The following NAT10 variants were observed in gnomAD, a reference collection of about 807,000 sequenced individuals.
NAT10 encodes RNA cytidine acetyltransferase.
In NAT10, 109 loss-of-function variants were observed where a neutral mutation model predicts 132.2. That is an observed-to-expected ratio of 0.82 (90% CI 0.71 to 0.97). NAT10 has a LOEUF of 0.97. NAT10 is among the 50% of genes least tolerant of loss of function. The pLI is 0.00. For synonymous variants in NAT10, 479 were observed against 478.0 expected (o/e 1.00, Z -0.03); for missense variants, 1,184 against 1,263.4 (o/e 0.94, Z 0.95).
At chr11:34,130,732 G>A in intron 12 of NAT10, 81 bp from the exon 13 acceptor site, 1 of 1,524,538 alleles carries the variant, frequency 6.6e-7, no homozygotes, top group Non-Finnish European at 9.0e-7. Context: ...GTTTCAGCAG[G>A]TGGAGGAAAG....
At chr11:34,119,724 A>G (rs1267286702) in intron 8 of NAT10, among the ~76,000 whole-genome samples, 2 of 152,250 alleles carry the variant, frequency 1.3e-5, no homozygotes, top group Non-Finnish European at 2.9e-5. Flanking sequence ...TTTCATGCAC[A>G]TAAATGAATT....
In NAT10 at chr11:34,127,481, G is replaced by A; in HGVS notation, c.1126G>A (p.Ala376Thr). The change falls in exon 12 of 29, where the codon GCT (alanine) becomes ACT (threonine). Residue 376 changes from alanine to threonine, a missense_variant. Physicochemically the swap from Ala to Thr is moderately conservative, Grantham distance 58. Transcript: ENST00000257829. ...CCCATAGTATATACATCCTGCAGAT[G>A]CTGTGAAGCTGGGCCAGGCTGAACT... Reference protein sequence around the residue: ...QTIQYIHPADAVKLGQAELVV... With the variant: ...QTIQYIHPADTVKLGQAELVV... The A allele has an allele frequency of 1.2e-6, 2 of 1,613,928 alleles. No individual in the cohort carries two copies. Among genetic ancestry groups the A allele is most frequent in the Non-Finnish European group, 1.7e-6 (2 of 1,179,806 alleles).
rs145321487 is a variant in NAT10, at chr11:34,140,684, A to C, written c.2592+112A>C. 208 of 1,241,514 alleles carry C rather than the reference A, an allele frequency of 1.7e-4. 2 individuals are homozygous for C. In the East Asian group the frequency reaches 3.4e-3, roughly 20 times the overall value. The allele number at this position is 1,241,514 out of a possible 1,614,324, so 76.9% of individuals were successfully genotyped here. On this transcript the variant is annotated intron_variant, in intron 24 of 28. Coordinates refer to ENST00000257829, the MANE Select transcript of NAT10 (RefSeq NM_024662.3). ...ATTGTGTGCCTTTAATTCCTCATAC[A>C]TCTGATAGGTGGGTAGTGGCATCCT...
intron 16 of NAT10, 126 bp downstream of exon 16, chr11:34,133,268 C>G (rs935456064): frequency 1.3e-6 from 1 of 745,082 alleles, no homozygotes; most frequent in Non-Finnish European, 2.3e-6. Flanking sequence ...AACCAAGGGG[C>G]TGGGTCTGCT....
At chr11:34,113,545 G>C (rs1201532784) in intron 4 of NAT10, among the ~76,000 whole-genome samples, 171 bp from the exon 5 acceptor site, 1 of 144,832 alleles carries the variant, frequency 6.9e-6, no homozygotes, top group African/African-American at 2.6e-5. Context: ...GCTCATGCCT[G>C]TAATCCCAGC....
chr11:34,127,658 C>T (rs1180076486), intron 12 of NAT10, 59 bp downstream of exon 12: 4 of 1,549,828 alleles, frequency 2.6e-6, no homozygotes. Context: ...GATTTAGGGG[C>T]ATGTAGTGGA....
rs775251238 is a variant in NAT10 at position 34,141,722 on chromosome 11, T to A, written c.2716T>A (p.Phe906Ile). 30 of 1,614,010 alleles carry A rather than the reference T, an allele frequency of 1.9e-5. No homozygotes were observed. The highest frequency in any genetic ancestry group is 2.5e-5 in the Non-Finnish European group (30 of 1,179,982). Reference sequence around the variant, plus strand: ...CTCTGTTGGTTGTCTTTTGTAGCTATTTAATGAAGTTCAGGAAAAGGCCAT... The same window carrying A: ...CTCTGTTGGTTGTCTTTTGTAGCTAATTAATGAAGTTCAGGAAAAGGCCAT... ...NRIIRKVVKL[F>I]NEVQEKAIEE... The change falls in exon 26 of 29, where the codon TTT becomes ATT. Residue 906 changes from phenylalanine (F) to isoleucine (I), a missense_variant. Phe to Ile is a conservative substitution (Grantham distance 21). Transcript: ENST00000257829.
chr11:34,112,803 ATG>A (rs1851718316), intron 4 of NAT10, among the ~76,000 whole-genome samples: 1 of 152,082 alleles, frequency 6.6e-6, no homozygotes, highest in Non-Finnish European at 1.5e-5. Flanking sequence ...GTGTGTGTGC[ATG>A]TGTGTGTAAG....
At position 34,140,509 on chromosome 11, in the gene NAT10, G is replaced by A; in HGVS notation, c.2529G>A (p.Pro843=). The change falls in exon 24 of 29, where the codon CCG becomes CCA. Residue 843 remains proline (P), a synonymous_variant. Coordinates refer to ENST00000257829, the MANE Select transcript of NAT10 (RefSeq NM_024662.3). ...ATCACCTCATCATGGACATGATCCC[G>A]GCCATCTCTCGCATCTATTTCCTGA... is the stretch of plus-strand genomic sequence containing the variant. ...VDYHLIMDMI[P]AISRIYFLNQ... is the part of the protein sequence containing the mutation. 1.9e-6 allele frequency: 3 copies of A among 1,614,154 alleles called. No homozygotes were observed. Among genetic ancestry groups the A allele is most frequent in the South Asian group, 1.1e-5 (1 of 91,078 alleles).
At position 34,132,117 on chromosome 11, in the gene NAT10, A is replaced by G; in HGVS notation, c.1521-8A>G. 1.2e-6 allele frequency: 2 copies of G among 1,608,412 alleles called. No homozygotes were observed. Among genetic ancestry groups the G allele is most frequent in the Non-Finnish European group, 1.7e-6 (2 of 1,174,812 alleles). On this transcript the variant is annotated splice_region_variant and splice_polypyrimidine_tract_variant and intron_variant, in intron 14 of 28. Coordinates refer to ENST00000257829, the MANE Select transcript of NAT10 (RefSeq NM_024662.3). ...TGTTTTGTTTTGGTTTCTTAACTCC[A>G]GACCCAGGTACTATGTTAATAGAGA...
rs371741600 is a variant in NAT10 at position 34,139,367 on chromosome 11, C to T, written c.2309-18C>T. ...GGATGCCTCCAGACCTCTAACTCTG[C>T]GTGATGGCACCCCACAGATTTCCGA... On this transcript the variant is annotated intron_variant, in intron 22 of 28. Coordinates refer to ENST00000257829, the MANE Select transcript of NAT10 (RefSeq NM_024662.3). 17 of 1,612,028 alleles carry T rather than the reference C, an allele frequency of 1.1e-5. No individual in the cohort carries two copies. The highest frequency in any genetic ancestry group is 1.7e-4 in the Middle Eastern group (1 of 6,060).
chr11:34,130,840 C>T lies in NAT10; in HGVS notation c.1272C>T (p.Ser424=), dbSNP rs1296223198. Residue 424 remains serine (S), a synonymous_variant, in exon 13 of 29, where the codon TCC becomes TCT. Transcript: ENST00000257829. ...ATGAGGGCACTGGCCGGTCACTGTC[C>T]CTCAAGCTAATTCAGCAGCTCCGTC... ...NGYEGTGRSL[S]LKLIQQLRQQ... The T allele has an allele frequency of 6.2e-7, 1 of 1,614,124 alleles. No individual in the cohort carries two copies. Among genetic ancestry groups the T allele is most frequent in the Non-Finnish European group, 8.5e-7 (1 of 1,179,990 alleles).
intron 8 of NAT10, among the ~76,000 whole-genome samples, chr11:34,119,113 C>T (rs541290772): frequency 8.5e-5 from 13 of 152,360 alleles, no homozygotes; most frequent in South Asian, 8.3e-4. Context: ...TGGGGTAATA[C>T]GTACCTGGTC....
At chr11:34,121,858 CAAAAAAAAAA>C (rs34304264) in intron 8 of NAT10, among the ~76,000 whole-genome samples, 2 of 36,828 alleles carry the variant, frequency 5.4e-5, no homozygotes, top group South Asian at 1.9e-3. Flanking sequence ...GACTCTGTCT[CAAAAAAAAAA>C]AAAAAAAAAA....
At chr11:34,142,051 C>T in intron 26 of NAT10, 2 of 620,630 alleles carry the variant, frequency 3.2e-6, no homozygotes, top group South Asian at 4.0e-5. Context: ...AGGATTCCAG[C>T]ATCTGTTGGA....
At chr11:34,122,173 T>A (rs1851906464) in intron 8 of NAT10, among the ~76,000 whole-genome samples, 1 of 151,904 alleles carries the variant, frequency 6.6e-6, no homozygotes, top group South Asian at 2.1e-4. Context: ...TGAAACTCCA[T>A]CTCAGAAGGA....
Position 34,132,111 on chromosome 11 carries a change from A to T in NAT10, c.1521-14A>T. 6.2e-7 allele frequency: 1 copy of T among 1,601,866 alleles called. No homozygotes were observed. Among genetic ancestry groups the T allele is most frequent in the Non-Finnish European group, 8.6e-7 (1 of 1,168,988 alleles). Reference sequence around the variant, plus strand: ...GCTATTTGTTTTGTTTTGGTTTCTTAACTCCAGACCCAGGTACTATGTTAA... The same window carrying T: ...GCTATTTGTTTTGTTTTGGTTTCTTTACTCCAGACCCAGGTACTATGTTAA... On this transcript the variant is annotated splice_polypyrimidine_tract_variant and intron_variant, in intron 14 of 28. Transcript: ENST00000257829.
At chr11:34,121,973 C>T (rs919914261) in intron 8 of NAT10, among the ~76,000 whole-genome samples, 1 of 148,926 alleles carries the variant, frequency 6.7e-6, no homozygotes, top group African/African-American at 2.5e-5. Flanking sequence ...GTTAGGAGTT[C>T]GAGACCAGCC....
chr11:34,116,124 C>T (rs754746110), intron 6 of NAT10, among the ~76,000 whole-genome samples: 1 of 152,174 alleles, frequency 6.6e-6, no homozygotes, highest in Non-Finnish European at 1.5e-5. Context: ...CTCAGTTAAA[C>T]CAGGTTACTC....
Sources: gnomAD v4.1 joint callset for allele counts (sites outside exome capture counted in the v4.1 genomes callset) on GRCh38, gnomAD v4.1.1 for gene constraint, MANE v1.5 for transcripts, NCBI Gene and HGNC (gene_info 2026-07-23, HGNC 2026-07-21) for gene names.